Variants in PPP3R1 observed in about 807,000 individuals in gnomAD.
The protein encoded by PPP3R1 is calcineurin subunit B type 1.
PPP3R1 carries 5 observed loss-of-function variants against 22.6 expected under a neutral mutation model. That is an observed-to-expected ratio of 0.22 (90% CI 0.12 to 0.46). The LOEUF (loss-of-function observed/expected upper bound fraction) is 0.46, where lower values mean the gene tolerates loss of function less well. PPP3R1 is among the 20% of genes least tolerant of loss of function. The probability of loss-of-function intolerance (pLI) is 0.99; values close to 1 mark genes in which losing one functional copy is unlikely to be tolerated. For synonymous variants in PPP3R1, 56 were observed against 65.2 expected (o/e 0.86, Z 0.68); for missense variants, 61 against 203.2 (o/e 0.30, Z 4.25).
chr2:68,230,172 T>C (rs909474788), intron 1 of PPP3R1, among the ~76,000 whole-genome samples: 16 of 152,028 alleles, frequency 1.1e-4, no homozygotes, highest in Non-Finnish European at 2.4e-4. Flanking sequence ...TTTTGTATTT[T>C]TGGTTGAGAC....
At chr2:68,192,488 AGTG>A (rs1049056957) in intron 2 of PPP3R1, among the ~76,000 whole-genome samples, 4 of 152,166 alleles carry the variant, frequency 2.6e-5, no homozygotes, top group African/African-American at 9.6e-5. Flanking sequence ...AATTTATTGA[AGTG>A]GGGACATTAA....
intron 5 of PPP3R1, 130 bp from the exon 6 acceptor site, chr2:68,181,140 A>T (rs1236709067): frequency 1.2e-5 from 10 of 837,870 alleles, no homozygotes; most frequent in Non-Finnish European, 1.9e-5. Context: ...CTGTAATCCC[A>T]GCACTTTGGA....
chr2:68,206,110 G>A (rs1034910653), intron 2 of PPP3R1, among the ~76,000 whole-genome samples: 5 of 152,174 alleles, frequency 3.3e-5, no homozygotes, highest in Non-Finnish European at 7.4e-5. Context: ...GAGCCACCGC[G>A]CCCGGCGGCT....
chr2:68,199,221 C>G (rs1347515941), intron 2 of PPP3R1, among the ~76,000 whole-genome samples: 3 of 152,154 alleles, frequency 2.0e-5, no homozygotes, highest in Non-Finnish European at 4.4e-5. Flanking sequence ...CTCAGTCTCC[C>G]AAAGTGCTAG....
intron 2 of PPP3R1, among the ~76,000 whole-genome samples, chr2:68,202,402 G>T (rs549568989): frequency 4.1e-4 from 47 of 114,950 alleles, no homozygotes; most frequent in African/African-American, 1.6e-3. Flanking sequence ...TTCTTTTTTC[G>T]TTTTTTGTTG....
At chr2:68,224,556 C>A (rs1480134155) in intron 1 of PPP3R1, among the ~76,000 whole-genome samples, 1 of 151,638 alleles carries the variant, frequency 6.6e-6, no homozygotes, top group East Asian at 1.9e-4. Context: ...CCCAGCTACT[C>A]GGGAAGCTGA....
chr2:68,223,427 T>A (rs1476174214), intron 1 of PPP3R1, among the ~76,000 whole-genome samples: 1 of 152,038 alleles, frequency 6.6e-6, no homozygotes, highest in Non-Finnish European at 1.5e-5. Context: ...GAAAACTATA[T>A]CTAATGTTTC....
At chr2:68,183,569 G>A (rs755506438) in intron 5 of PPP3R1, among the ~76,000 whole-genome samples, 17 of 152,040 alleles carry the variant, frequency 1.1e-4, no homozygotes, top group Admixed American at 4.6e-4. Context: ...CCTGGCATTC[G>A]GGTGTTACAA....
At chr2:68,192,981 C>T (rs1336675155) in intron 2 of PPP3R1, among the ~76,000 whole-genome samples, 1 of 152,150 alleles carries the variant, frequency 6.6e-6, no homozygotes, top group South Asian at 2.1e-4. Flanking sequence ...ATCAATTTTT[C>T]TCTGATAAAA....
In PPP3R1 at chr2:68,231,390, G is replaced by A. The variant is rs150767924; in HGVS notation, c.4-14259C>T. Among the ~76,000 whole-genome samples the A allele has an allele frequency of 6.7e-5, 10 of 149,636 alleles. No individual in the cohort carries two copies. The East Asian group carries it at 1.2e-3, about 18-fold the overall frequency. On this transcript the variant is annotated intron_variant, in intron 1 of 5. Coordinates refer to ENST00000234310, the MANE Select transcript of PPP3R1 (RefSeq NM_000945.4). ...CTTTTTTTTTTCCTGTTTCATGTAC[G>A]TCAGTTTTTTCTTTGAGTGACACAA...
intron 1 of PPP3R1, among the ~76,000 whole-genome samples, chr2:68,221,941 T>A (rs1260414967): frequency 6.6e-6 from 1 of 151,770 alleles, no homozygotes; most frequent in Non-Finnish European, 1.5e-5. Flanking sequence ...AAGGAAAGAT[T>A]AGGCTTCAAT....
chr2:68,208,048 T>C (rs1669359069), intron 2 of PPP3R1, among the ~76,000 whole-genome samples: 1 of 151,930 alleles, frequency 6.6e-6, no homozygotes, highest in Non-Finnish European at 1.5e-5. Flanking sequence ...CCCAGCTACT[T>C]GGGAGGCTGA....
At chr2:68,198,781 T>C (rs1674893508) in intron 2 of PPP3R1, among the ~76,000 whole-genome samples, 2 of 152,176 alleles carry the variant, frequency 1.3e-5, no homozygotes, top group Non-Finnish European at 2.9e-5. Context: ...AGAACTGACA[T>C]CTTTGTAACA....
At chr2:68,190,252 T>A (rs1366595047) in intron 2 of PPP3R1, among the ~76,000 whole-genome samples, 1 of 86,246 alleles carries the variant, frequency 1.2e-5, no homozygotes, top group Non-Finnish European at 2.1e-5. Flanking sequence ...GGCAAGTTTC[T>A]CTTAAAAAAA....
At chr2:68,212,527 G>A (rs1463692103) in intron 2 of PPP3R1, among the ~76,000 whole-genome samples, 4 of 152,246 alleles carry the variant, frequency 2.6e-5, no homozygotes, top group Non-Finnish European at 5.9e-5. Context: ...CAGAATGGAT[G>A]TCGTGTTAGC....
At chr2:68,187,679 T>C (rs1197886528) in intron 3 of PPP3R1, among the ~76,000 whole-genome samples, 1 of 152,180 alleles carries the variant, frequency 6.6e-6, no homozygotes, top group Non-Finnish European at 1.5e-5. Context: ...CACAAAAAAC[T>C]TTAGCCTTCT....
chr2:68,222,083 ATT>A (rs886129536), intron 1 of PPP3R1, among the ~76,000 whole-genome samples: 2 of 152,150 alleles, frequency 1.3e-5, no homozygotes, highest in African/African-American at 4.8e-5. Context: ...AATAAAAGAT[ATT>A]TTTCTCATGT....
intron 1 of PPP3R1, among the ~76,000 whole-genome samples, chr2:68,232,337 A>G (rs1669933792): frequency 6.8e-6 from 1 of 147,408 alleles, no homozygotes; most frequent in South Asian, 2.2e-4. Flanking sequence ...GCCACTCGGT[A>G]GGCTGACACA....
chr2:68,219,935 G>A (rs972514687), intron 1 of PPP3R1, among the ~76,000 whole-genome samples: 1 of 152,176 alleles, frequency 6.6e-6, no homozygotes, highest in East Asian at 1.9e-4. Context: ...TGAAGTTCAA[G>A]ATAGACTCCC....
Sources: gnomAD v4.1 joint callset for allele counts (sites outside exome capture counted in the v4.1 genomes callset) on GRCh38, gnomAD v4.1.1 for gene constraint, MANE v1.5 for transcripts, NCBI Gene and HGNC (gene_info 2026-07-23, HGNC 2026-07-21) for gene names.